Variants in NCOR2 observed in about 807,000 individuals in gnomAD.
NCOR2 encodes nuclear receptor corepressor 2, also known as CTG repeat protein 26.
NCOR2 carries 81 observed loss-of-function variants against 262.9 expected under a neutral mutation model. That is an observed-to-expected ratio of 0.31 (90% CI 0.26 to 0.37). The LOEUF is 0.37. NCOR2 is among the 10% of genes least tolerant of loss of function. NCOR2 has a pLI of 1.00. For missense variants in NCOR2, 3,385 were observed against 3,621.4 expected, an observed-to-expected ratio of 0.93 and a Z score of 1.68; for synonymous variants, 1,659 against 1,559.3, an observed-to-expected ratio of 1.06 and a Z score of -1.51.
intron 18 of NCOR2, among the ~76,000 whole-genome samples, chr12:124,377,049 G>A (rs2040060545): frequency 6.6e-6 from 1 of 152,220 alleles, no homozygotes; most frequent in African/African-American, 2.4e-5. Flanking sequence ...GGGGGTCGAA[G>A]GTGGATGCAC....
At chr12:124,533,084 C>G (rs962834208) in intron 1 of NCOR2, among the ~76,000 whole-genome samples, 1 of 148,984 alleles carries the variant, frequency 6.7e-6, no homozygotes, top group Non-Finnish European at 1.5e-5. Flanking sequence ...TCTCCTACCT[C>G]CAAATCCCAA....
At chr12:124,550,055 T>C (rs2051666955) in intron 1 of NCOR2, among the ~76,000 whole-genome samples, 2 of 152,206 alleles carry the variant, frequency 1.3e-5, no homozygotes, top group East Asian at 1.9e-4. Flanking sequence ...CCGCAGGCAA[T>C]GTCTGGAGGC....
exon 25 of NCOR2, chr12:124,354,855 T>C (rs778648175): frequency 3.7e-6 from 6 of 1,612,596 alleles, no homozygotes; most frequent in Middle Eastern, 3.3e-4. Context: ...TTGGGGTCCA[T>C]GGGCAGGGGC....
exon 25 of NCOR2, chr12:124,354,904 C>T (rs1011477323): frequency 2.5e-6 from 4 of 1,612,120 alleles, no homozygotes; most frequent in Non-Finnish European, 3.4e-6. Flanking sequence ...CCTTGGCATG[C>T]TCTGAGTACG....
At chr12:124,391,510 G>T (rs532139138) in intron 16 of NCOR2, among the ~76,000 whole-genome samples, 3 of 152,130 alleles carry the variant, frequency 2.0e-5, no homozygotes, top group Non-Finnish European at 4.4e-5. Context: ...GGCGGGGGGG[G>T]GGTTCCACAG....
chr12:124,336,679 C>T lies in NCOR2; in HGVS notation c.6115+74G>A, dbSNP rs542334776. 56 of 1,554,368 alleles carry T rather than the reference C, an allele frequency of 3.6e-5. No individual in the cohort carries two copies. The African/African-American group carries it at 4.0e-4, about 11-fold the overall frequency. ...CGTTGGCCAGCGCACCTCCTTCTCG[C>T]GCCCCTTTATCGTGAGCAATTTGAC... is the stretch of plus-strand genomic sequence containing the variant. On this transcript the variant is annotated intron_variant, in intron 38 of 46. Transcript: ENST00000405201.
chr12:124,420,354 G>A (rs577851924), intron 12 of NCOR2, among the ~76,000 whole-genome samples: 2 of 152,196 alleles, frequency 1.3e-5, no homozygotes, highest in South Asian at 2.1e-4. Flanking sequence ...CACAGTCACC[G>A]CTGTTGCTAT....
At position 124,389,041 on chromosome 12, in the gene NCOR2, G is replaced by A. The variant is rs1286381287; in HGVS notation, c.1877-3154C>T. Among the ~76,000 whole-genome samples, 1 of 152,238 alleles carries A rather than the reference G, an allele frequency of 6.6e-6. No homozygotes were observed. Among genetic ancestry groups the A allele is most frequent in the Non-Finnish European group, 1.5e-5 (1 of 68,044 alleles). On this transcript the variant is annotated intron_variant, in intron 16 of 46. Transcript: ENST00000405201. This position sits in a 1 kb window ranked among gnomAD's most constrained non-coding sequence, Gnocchi z 4.4. ...CTGACGCCGTCCCCAAGCCGCTGTGGGCGCGCGAGGTGCCCTTCCCCGAGG... is the reference window on the plus strand; with the variant it reads ...CTGACGCCGTCCCCAAGCCGCTGTGAGCGCGCGAGGTGCCCTTCCCCGAGG...
At chr12:124,502,819 C>T (rs751270335) in intron 1 of NCOR2, among the ~76,000 whole-genome samples, 1 of 152,162 alleles carries the variant, frequency 6.6e-6, no homozygotes, top group Non-Finnish European at 1.5e-5. Flanking sequence ...GCACTGGGCA[C>T]AGGTGTCTGA....
chr12:124,536,511 T>C (rs1031850877), upstream of NCOR2, among the ~76,000 whole-genome samples: 3 of 152,096 alleles, frequency 2.0e-5, no homozygotes, highest in African/African-American at 7.2e-5. Context: ...AAAGACAACA[T>C]AGACGCTTCA....
chr12:124,456,299 G>A (rs943211182), intron 6 of NCOR2, among the ~76,000 whole-genome samples: 1 of 152,202 alleles, frequency 6.6e-6, no homozygotes, highest in Non-Finnish European at 1.5e-5. Context: ...TGCCCACCAC[G>A]GCCATCCATG....
At chr12:124,553,692 G>C (rs558758989) in intron 1 of NCOR2, among the ~76,000 whole-genome samples, 1 of 152,298 alleles carries the variant, frequency 6.6e-6, no homozygotes, top group African/African-American at 2.4e-5. Flanking sequence ...CAATACTTTT[G>C]AGCAACGTTT....
chr12:124,353,299 C>T (rs910208682), intron 27 of NCOR2, among the ~76,000 whole-genome samples: 2 of 152,212 alleles, frequency 1.3e-5, no homozygotes, highest in Non-Finnish European at 2.9e-5. Context: ...AGCTGGCACC[C>T]GAGGGCCCTC....
chr12:124,332,185 G>T (rs772486923), intron 43 of NCOR2, 134 bp downstream of exon 45: 9 of 1,086,382 alleles, frequency 8.3e-6, no homozygotes, highest in Non-Finnish European at 1.2e-5. Flanking sequence ...GGCCTGGGGG[G>T]AGGTGGTCAG....
chr12:124,501,443 G>C (rs1047568627), intron 1 of NCOR2, among the ~76,000 whole-genome samples: 1 of 152,128 alleles, frequency 6.6e-6, no homozygotes, highest in African/African-American at 2.4e-5. Flanking sequence ...TGTTCTGGAG[G>C]CCTCGAGTCC....
chr12:124,563,793 C>A (rs891624297), intron 1 of NCOR2, among the ~76,000 whole-genome samples: 1 of 152,236 alleles, frequency 6.6e-6, no homozygotes. Flanking sequence ...CAGTCTCCTG[C>A]CCCACCTGGG....
At chr12:124,341,148 A>T (rs1336787722) in intron 34 of NCOR2, among the ~76,000 whole-genome samples, 1 of 152,130 alleles carries the variant, frequency 6.6e-6, no homozygotes, top group East Asian at 1.9e-4. Flanking sequence ...TTCCAGAAGC[A>T]TTTCTGAGGA....
At chr12:124,362,038 T>G in intron 22 of NCOR2, 88 bp downstream of exon 24, 1 of 1,165,568 alleles carries the variant, frequency 8.6e-7, no homozygotes, top group Non-Finnish European at 1.1e-6. Context: ...GCCATGGGGT[T>G]TGCAGCAGCT....
At chr12:124,446,186 G>C (rs10846674) in intron 7 of NCOR2, among the ~76,000 whole-genome samples, 76,230 of 152,046 alleles carry the variant, frequency 0.5, 20,695 homozygotes, top group Non-Finnish European at 0.59. Context: ...CAGATTTCCT[G>C]AACATTATGC....
Sources: gnomAD v4.1 joint callset for allele counts (sites outside exome capture counted in the v4.1 genomes callset) on GRCh38, gnomAD v4.1.1 for gene constraint, Gnocchi (gnomAD v3.1) non-coding constraint, MANE v1.5 for transcripts, NCBI Gene and HGNC (gene_info 2026-07-23, HGNC 2026-07-21) for gene names.